Variants in NXPH2 observed in about 807,000 individuals in gnomAD.
NXPH2 encodes the protein neurexophilin-2.
In NXPH2, 5 loss-of-function variants were observed where a neutral mutation model predicts 19.8. That is an observed-to-expected ratio of 0.25 (90% CI 0.13 to 0.53). NXPH2 has a LOEUF of 0.53. NXPH2 is among the 20% of genes least tolerant of loss of function. The pLI, the probability that NXPH2 is intolerant of heterozygous loss-of-function variation, is 0.96. For synonymous variants in NXPH2, 154 were observed against 127.4 expected (o/e 1.21, Z -1.41); for missense variants, 289 against 322.8 (o/e 0.90, Z 0.80).
intron 1 of NXPH2, among the ~76,000 whole-genome samples, chr2:138,704,028 T>G (rs1040738799): frequency 1.1e-4 from 16 of 152,206 alleles, no homozygotes; most frequent in African/African-American, 3.9e-4. Context: ...CGTATGTGAA[T>G]TGCATTCCCT....
intron 1 of NXPH2, among the ~76,000 whole-genome samples, chr2:138,696,680 AG>A (rs776731515): frequency 3.3e-5 from 5 of 152,194 alleles, no homozygotes; most frequent in African/African-American, 7.2e-5. Flanking sequence ...CAACTTTGGA[AG>A]GCAATCTGGC....
At chr2:138,682,125 C>G (rs1480475260) in intron 1 of NXPH2, among the ~76,000 whole-genome samples, 1 of 152,122 alleles carries the variant, frequency 6.6e-6, no homozygotes, top group Non-Finnish European at 1.5e-5. Context: ...ACAAGTTGCT[C>G]AGCAGAAAGA....
At chr2:138,710,613 C>T (rs1681090924) in intron 1 of NXPH2, among the ~76,000 whole-genome samples, 1 of 152,082 alleles carries the variant, frequency 6.6e-6, no homozygotes, top group African/African-American at 2.4e-5. Context: ...GTTACCTGGC[C>T]TATTGATTAG....
intron 1 of NXPH2, among the ~76,000 whole-genome samples, chr2:138,676,841 T>C (rs1422361660): frequency 6.6e-6 from 1 of 152,218 alleles, no homozygotes; most frequent in East Asian, 1.9e-4. Context: ...AATGACCAAG[T>C]AGAAATCAAC....
intron 1 of NXPH2, among the ~76,000 whole-genome samples, chr2:138,701,848 C>T (rs1680927874): frequency 6.6e-6 from 1 of 152,170 alleles, no homozygotes; most frequent in South Asian, 2.1e-4. Context: ...ATACGAATCT[C>T]CGCTTTGGTA....
intron 1 of NXPH2, among the ~76,000 whole-genome samples, chr2:138,760,315 G>T (rs553845184): frequency 6.6e-6 from 1 of 152,084 alleles, no homozygotes; most frequent in African/African-American, 2.4e-5. Flanking sequence ...TACCGAGTCT[G>T]TCCCCATGCT....
At chr2:138,708,054 C>T (rs1681043823) in intron 1 of NXPH2, among the ~76,000 whole-genome samples, 1 of 152,214 alleles carries the variant, frequency 6.6e-6, no homozygotes, top group Non-Finnish European at 1.5e-5. Flanking sequence ...GATGCCAGGG[C>T]TGTCTCCTCT....
intron 1 of NXPH2, among the ~76,000 whole-genome samples, chr2:138,720,614 T>C (rs1436733810): frequency 3.3e-5 from 5 of 152,260 alleles, no homozygotes; most frequent in Middle Eastern, 3.4e-3. Context: ...GCTCTGACAG[T>C]GAGGAGTGTG....
intron 1 of NXPH2, among the ~76,000 whole-genome samples, chr2:138,756,006 A>T (rs1163468978): frequency 6.6e-6 from 1 of 152,036 alleles, no homozygotes. Context: ...AAATGAACTT[A>T]CTAACCTTGT....
chr2:138,772,789 G>C (rs560358276), intron 1 of NXPH2, among the ~76,000 whole-genome samples: 33 of 152,274 alleles, frequency 2.2e-4, no homozygotes, highest in African/African-American at 7.5e-4. Flanking sequence ...TGTCAGTGAT[G>C]AGTACCTAGA....
At chr2:138,731,724 G>T (rs1288649766) in intron 1 of NXPH2, among the ~76,000 whole-genome samples, 1 of 151,994 alleles carries the variant, frequency 6.6e-6, no homozygotes, top group African/African-American at 2.4e-5. Flanking sequence ...AGACAGGACT[G>T]GAGACCAAGG....
At position 138,739,074 on chromosome 2, in the gene NXPH2, G is replaced by A. The variant is rs79926748; in HGVS notation, c.51+41117C>T. Among the ~76,000 whole-genome samples the A allele has an allele frequency of 2.3e-4, 35 of 152,254 alleles. No homozygotes were observed. The East Asian group carries it at 6.8e-3, about 29-fold the overall frequency. The stretch of plus-strand genomic sequence containing the variant: ...AAATCCACCATGGATGTAGGATGGT[G>A]AATGAATGTACATATTATTGCTTCC... On this transcript the variant is annotated intron_variant, in intron 1 of 1. Transcript: ENST00000272641.
chr2:138,725,041 AG>A (rs1469938426), intron 1 of NXPH2, among the ~76,000 whole-genome samples: 1 of 152,268 alleles, frequency 6.6e-6, no homozygotes, highest in African/African-American at 2.4e-5. Flanking sequence ...AAATGGGAAC[AG>A]TGAGAAAGAT....
chr2:138,743,938 G>T (rs1681686540), intron 1 of NXPH2, among the ~76,000 whole-genome samples: 1 of 146,752 alleles, frequency 6.8e-6, no homozygotes, highest in Non-Finnish European at 1.5e-5. Flanking sequence ...AGGAGGTGGA[G>T]GTTGCAGTGA....
At chr2:138,734,434 G>T (rs1364219722) in intron 1 of NXPH2, among the ~76,000 whole-genome samples, 2 of 152,176 alleles carry the variant, frequency 1.3e-5, no homozygotes, top group African/African-American at 2.4e-5. Context: ...AATTTAGAGA[G>T]AAAGGCAATG....
At chr2:138,770,678 C>A (rs1381507810) in intron 1 of NXPH2, among the ~76,000 whole-genome samples, 2 of 151,882 alleles carry the variant, frequency 1.3e-5, no homozygotes, top group Non-Finnish European at 2.9e-5. Flanking sequence ...TCCTTACATT[C>A]CAGCAAAAAT....
intron 1 of NXPH2, among the ~76,000 whole-genome samples, chr2:138,772,064 T>C (rs1364312600): frequency 1.3e-5 from 2 of 152,162 alleles, no homozygotes; most frequent in Non-Finnish European, 2.9e-5. Flanking sequence ...CTTGTCCTCA[T>C]ATTCCTACCT....
At position 138,671,330 on chromosome 2, in the gene NXPH2, G is replaced by A. The variant is rs1460192750; in HGVS notation, c.387C>T (p.Leu129=). 6 of 1,613,694 alleles carry A rather than the reference G, an allele frequency of 3.7e-6. No individual in the cohort carries two copies. The highest frequency in any genetic ancestry group is 5.1e-6 in the Non-Finnish European group (6 of 1,179,786). Residue 129 remains leucine (L), a synonymous_variant, in exon 2 of 2, where the codon CTC becomes CTT. Transcript: ENST00000272641. ...CATGGTCAACAATTTTCCCTGTGATGAGGAGATTGAGTTTGACAGTTTTAA... is the reference window on the plus strand; with the variant it reads ...CATGGTCAACAATTTTCCCTGTGATAAGGAGATTGAGTTTGACAGTTTTAA... ...SNIKTVKLNL[L]ITGKIVDHGN... is the part of the protein sequence containing the mutation.
chr2:138,732,277 C>T (rs901717521), intron 1 of NXPH2, among the ~76,000 whole-genome samples: 12 of 152,150 alleles, frequency 7.9e-5, no homozygotes, highest in African/African-American at 2.9e-4. Context: ...GTAGAGAAAA[C>T]TGGCCTATGG....
Sources: allele counts gnomAD v4.1 joint callset (sites outside exome capture counted in the v4.1 genomes callset), GRCh38; gene constraint gnomAD v4.1.1; transcripts MANE v1.5; gene names NCBI Gene and HGNC (gene_info 2026-07-23, HGNC 2026-07-21).